Variants in TENM2 observed in about 807,000 individuals in gnomAD.
TENM2 encodes the protein teneurin-2.
A neutral mutation model predicts 245.2 loss-of-function variants in TENM2; 52 were observed. The observed-to-expected ratio is 0.21, with a 90% confidence interval of 0.17 to 0.27. The LOEUF is 0.27. Among genes scored for constraint, TENM2 ranks in the 10% least tolerant of loss-of-function variants. The probability of loss-of-function intolerance (pLI) is 1.00; values close to 1 mark genes in which losing one functional copy is unlikely to be tolerated. For synonymous variants in TENM2, 1,363 were observed against 1,438.9 expected (o/e 0.95, Z 1.19); for missense variants, 3,046 against 3,666.8 (o/e 0.83, Z 4.37).
chr5:167,357,662 C>T (rs1430336604), intron 1 of TENM2, among the ~76,000 whole-genome samples: 1 of 152,132 alleles, frequency 6.6e-6, no homozygotes, highest in African/African-American at 2.4e-5. Flanking sequence ...TTATGTGAAT[C>T]AAGGCAAGGC....
At chr5:167,625,181 C>A (rs1201100792) in intron 2 of TENM2, among the ~76,000 whole-genome samples, 1 of 152,204 alleles carries the variant, frequency 6.6e-6, no homozygotes, top group Non-Finnish European at 1.5e-5. Flanking sequence ...AACTCCTCTT[C>A]TGAATTTGCT....
the TENM2 span, among the ~76,000 whole-genome samples, chr5:167,033,816 T>G: frequency 2.2e-4 from 34 of 152,328 alleles, no homozygotes; most frequent in South Asian, 3.9e-3. Flanking sequence ...ATTTTTGTTT[T>G]TAGCAAATGT....
At chr5:167,527,489 G>A (rs1771203706) in intron 2 of TENM2, among the ~76,000 whole-genome samples, 1 of 151,874 alleles carries the variant, frequency 6.6e-6, no homozygotes, top group Admixed American at 6.6e-5. Context: ...TATTTACACT[G>A]TTCCGTCTGC....
intron 2 of TENM2, among the ~76,000 whole-genome samples, chr5:167,494,858 T>C (rs1768701658): frequency 6.6e-6 from 1 of 152,102 alleles, no homozygotes. Flanking sequence ...AAGAAAAACC[T>C]AATATATTCA....
At chr5:167,158,011 A>G in the TENM2 span, among the ~76,000 whole-genome samples, 1 of 152,202 alleles carries the variant, frequency 6.6e-6, no homozygotes, top group African/African-American at 2.4e-5. Context: ...ACATCAAGTC[A>G]TTTTGTGAAC....
the TENM2 span, among the ~76,000 whole-genome samples, chr5:167,023,161 G>T: frequency 2.0e-5 from 3 of 152,234 alleles, no homozygotes; most frequent in African/African-American, 4.8e-5. Context: ...TAATGCTAAC[G>T]TTCTGCTCTA....
the TENM2 span, among the ~76,000 whole-genome samples, chr5:167,167,218 G>T: frequency 6.6e-6 from 1 of 152,176 alleles, no homozygotes; most frequent in Non-Finnish European, 1.5e-5. Context: ...AAACCAGGGT[G>T]TCTTCAATTG....
At chr5:167,151,761 C>G in the TENM2 span, among the ~76,000 whole-genome samples, 3 of 152,182 alleles carry the variant, frequency 2.0e-5, no homozygotes, top group Non-Finnish European at 4.4e-5. Context: ...TTGTGATCCA[C>G]CCGCCTCGGC....
intron 2 of TENM2, among the ~76,000 whole-genome samples, chr5:167,834,661 T>TTTTTTTTTTTTC (rs1554127838): frequency 1.6e-5 from 2 of 124,802 alleles, no homozygotes. Context: ...TTTTTTTTTT[T>TTTTTTTTTTTTC]CTTTTTGAGA....
chr5:167,155,094 GC>G, the TENM2 span, among the ~76,000 whole-genome samples: 5 of 152,154 alleles, frequency 3.3e-5, no homozygotes, highest in South Asian at 8.3e-4. Context: ...GTGTAATGGG[GC>G]AAGTTTTGTG....
chr5:167,406,736 T>A (rs1279924203), intron 2 of TENM2, among the ~76,000 whole-genome samples: 1 of 152,162 alleles, frequency 6.6e-6, no homozygotes, highest in African/African-American at 2.4e-5. Flanking sequence ...ATTCCTGACT[T>A]CTAGTTCTTT....
At position 167,865,109 on chromosome 5, in the gene TENM2, A is replaced by G. The variant is rs572123643; in HGVS notation, c.503-10877A>G. 3.2e-3 allele frequency among the ~76,000 whole-genome samples: 483 copies of G among 152,332 alleles called. 1 individual carries two copies. The highest frequency in any genetic ancestry group is 0.024 in the South Asian group (117 of 4,832). The stretch of plus-strand genomic sequence containing the variant: ...GAAAACAGCTCAATGTATCTTCTGC[A>G]TATTACTCAGCACAGACAGACAACT... On this transcript the variant is annotated intron_variant, in intron 2 of 28. Coordinates refer to ENST00000518659, the Ensembl canonical transcript of TENM2.
chr5:168,229,418 C>CCTG (rs1412492254), intron 25 of TENM2, among the ~76,000 whole-genome samples: 4 of 152,042 alleles, frequency 2.6e-5, no homozygotes, highest in Admixed American at 2.0e-4. Flanking sequence ...TAACCCCTTC[C>CCTG]CTGGGGAGGG....
chr5:168,122,059 G>A (rs1001450920), intron 10 of TENM2, among the ~76,000 whole-genome samples: 6 of 152,210 alleles, frequency 3.9e-5, no homozygotes, highest in Non-Finnish European at 8.8e-5. Context: ...AATGACAAAT[G>A]CTTATAGCAC....
At chr5:166,996,713 A>G in the TENM2 span, among the ~76,000 whole-genome samples, 2 of 152,222 alleles carry the variant, frequency 1.3e-5, no homozygotes, top group Non-Finnish European at 2.9e-5. Context: ...ATTCTTAACT[A>G]TGTGAACCAA....
At chr5:167,785,766 G>GAGCAGAGTAGAA (rs1377323087) in intron 2 of TENM2, among the ~76,000 whole-genome samples, 5 of 152,204 alleles carry the variant, frequency 3.3e-5, no homozygotes, top group Non-Finnish European at 7.3e-5. Flanking sequence ...TTGAGCAGTG[G>GAGCAGAGTAGAA]TGCTGACATT....
At chr5:167,148,257 CAAAAA>C in the TENM2 span, among the ~76,000 whole-genome samples, 1 of 152,014 alleles carries the variant, frequency 6.6e-6, no homozygotes, top group Non-Finnish European at 1.5e-5. Context: ...ATTAATGTGT[CAAAAA>C]AGAAAAATCA....
the TENM2 span, among the ~76,000 whole-genome samples, chr5:167,039,412 G>A: frequency 5.4e-3 from 826 of 152,262 alleles, 7 homozygotes; most frequent in African/African-American, 0.019. Flanking sequence ...CCTCGAAGGC[G>A]CACTGGCCAG....
intron 13 of TENM2, among the ~76,000 whole-genome samples, chr5:168,167,804 C>G (rs963125753): frequency 1.3e-5 from 2 of 152,136 alleles, no homozygotes; most frequent in African/African-American, 4.8e-5. Context: ...CTCAAAGTCT[C>G]AGTTTTCTTA....
Sources: gnomAD v4.1 joint callset for allele counts (sites outside exome capture counted in the v4.1 genomes callset) on GRCh38, gnomAD v4.1.1 for gene constraint, MANE v1.5 for transcripts, NCBI Gene and HGNC (gene_info 2026-07-23, HGNC 2026-07-21) for gene names.